TTN: variants seen among roughly 807,000 people sequenced by gnomAD.
TTN encodes connectin.
In TTN, 1,525 loss-of-function variants were observed where a neutral mutation model predicts 3,223.0. That is an observed-to-expected ratio of 0.47 (90% CI 0.45 to 0.49). TTN has a LOEUF of 0.49. TTN is among the 20% of genes least tolerant of loss of function. TTN has a pLI of 0.00. For synonymous variants in TTN, 14,094 were observed against 15,161.0 expected, an observed-to-expected ratio of 0.93 and a Z score of 5.17; for missense variants, 40,786 against 43,424.0, an observed-to-expected ratio of 0.94 and a Z score of 5.40.
At position 178,635,534 on chromosome 2, in the gene TTN, C is replaced by T. The variant is rs767644971; in HGVS notation, c.41790G>A (p.Leu13930=). Reference sequence around the variant, plus strand: ...GCATAGCATTCTTAATTTTGAGGTACAGATGATTTCCATCTCTCAGTATTT... The same window carrying T: ...GCATAGCATTCTTAATTTTGAGGTATAGATGATTTCCATCTCTCAGTATTT... The part of the protein sequence containing the change: ...KTEILRDGNH[L]YLKIKNAMPE... Residue 13930 remains leucine, a synonymous_variant, in exon 227 of 363, where the codon CTG becomes CTA. Coordinates refer to ENST00000589042, the MANE Select transcript of TTN (RefSeq NM_001267550.2). The T allele has an allele frequency of 1.3e-5, 20 of 1,596,916 alleles. No homozygotes were observed. The highest frequency in any genetic ancestry group is 1.7e-5 in the Non-Finnish European group (20 of 1,170,404).
At position 178,631,073 on chromosome 2, in the gene TTN, A is replaced by C. The variant is rs1460790358; in HGVS notation, c.43975T>G (p.Cys14659Gly). ...KSDIGQYTCD[C>G]GTDKTSGKLD... ...TTTCCTGAGGTCTTATCTGTCCCAC[A>C]GTCACAGGTGTACTGTCCAATATCT... The change falls in exon 237 of 363, where the codon TGT (cysteine) becomes GGT (glycine). Residue 14659 changes from cysteine (C) to glycine (G), a missense_variant. Transcript: ENST00000589042. The C allele has an allele frequency of 3.1e-6, 5 of 1,613,330 alleles. No individual in the cohort carries two copies. The highest frequency in any genetic ancestry group is 4.2e-6 in the Non-Finnish European group (5 of 1,179,592).
chr2:178,774,748 C>T, intron 29 of TTN, 173 bp downstream of exon 29: 1 of 862,632 alleles, frequency 1.2e-6, no homozygotes, highest in Non-Finnish European at 1.7e-6. Context: ...TCCAAATGGT[C>T]AAATTGTTAA....
chr2:178,546,992 G>C lies in TTN; in HGVS notation c.94522+11C>G, dbSNP rs376463592. The C allele has an allele frequency of 1.9e-6, 3 of 1,602,244 alleles. No homozygotes were observed. Among genetic ancestry groups the C allele is most frequent in the Non-Finnish European group, 2.6e-6 (3 of 1,172,652 alleles). On this transcript the variant is annotated intron_variant, in intron 340 of 362. Coordinates refer to ENST00000589042, the MANE Select transcript of TTN (RefSeq NM_001267550.2). ...TAATAAACAAATATGCCCTTAAATT[G>C]TGATACATACCAACTGGATTTTGAG...
At position 178,535,986 on chromosome 2, in the gene TTN, C is replaced by T; in HGVS notation, c.100761G>A (p.Val33587=). ...TGATAATTTATTTATTTTTACCTTC[C>T]ACTTCCAAGGAGGCAGTGCCAGACA... ...GSVSGTASLE[V]EVPAKIHLPK... Residue 33587 remains valine (V), a synonymous_variant, in exon 357 of 363, where the codon GTG becomes GTA. Coordinates refer to ENST00000589042, the MANE Select transcript of TTN (RefSeq NM_001267550.2). 5 of 1,528,094 alleles carry T rather than the reference C, an allele frequency of 3.3e-6. No homozygotes were observed. The highest frequency in any genetic ancestry group is 4.4e-6 in the Non-Finnish European group (5 of 1,141,988). 94.7% of individuals were successfully genotyped at this position (1,528,094 alleles called of 1,614,324 possible). A position where few individuals can be genotyped will look rare whatever the true frequency, so the allele number is the denominator to read the frequency against.
rs764186060 is a variant in TTN at position 178,669,376 on chromosome 2, A to G, written c.35542T>C (p.Tyr11848His). Residue 11848 changes from tyrosine (Y) to histidine (H), a missense_variant, in exon 159 of 363, where the codon TAC becomes CAC. Tyr to His is a moderately conservative substitution (Grantham distance 83). Transcript: ENST00000589042. The stretch of plus-strand genomic sequence containing the variant: ...CCACTAATTTTTCTACACTCACTGT[A>G]CATCTCTGTGTCTTCAGAAATAACA... ...PIVISEDTEM[Y>H]IYEASEEAVL... 2 of 1,524,372 alleles carry G rather than the reference A, an allele frequency of 1.3e-6. No homozygotes were observed. The highest frequency in any genetic ancestry group is 1.7e-6 in the Non-Finnish European group (2 of 1,145,246). The allele number at this position is 1,524,372 out of a possible 1,614,324, so 94.4% of individuals were successfully genotyped here.
chr2:178,728,289 G>A lies in TTN; in HGVS notation c.19535C>T (p.Ala6512Val), dbSNP rs200902581. 9 of 1,613,218 alleles carry A rather than the reference G, an allele frequency of 5.6e-6. No homozygotes were observed. The South Asian group carries it at 8.8e-5, about 16-fold the overall frequency. ...TTCTTTTCCATCCTTAAACCACTGA[G>A]CACTAATGGGAAGTGAACCAGACAC... Reference protein sequence around the residue: ...CKVSGSLPISAQWFKDGKEIS... With the variant: ...CKVSGSLPISVQWFKDGKEIS... Residue 6512 changes from alanine to valine, a missense_variant, in exon 67 of 363, where the codon GCT becomes GTT. By Grantham distance (64) the Ala-to-Val change is moderately conservative (BLOSUM62 0). Coordinates refer to ENST00000589042, the MANE Select transcript of TTN (RefSeq NM_001267550.2).
Position 178,739,301 on chromosome 2 carries a change from C to G in TTN, c.13932G>C (p.Val4644=). ...EVNWYFENKL[V]PSDEKFKCLQ... is the part of the protein sequence containing the mutation. ...AACACTTGAACTTTTCATCTGAAGG[C>G]ACCAGTTTATTCTCAAAATACCAAT... Residue 4644 remains valine (V), a synonymous_variant, in exon 48 of 363, where the codon GTG becomes GTC. Coordinates refer to ENST00000589042, the MANE Select transcript of TTN (RefSeq NM_001267550.2). The G allele has an allele frequency of 6.2e-7, 1 of 1,613,254 alleles. No individual in the cohort carries two copies. The highest frequency in any genetic ancestry group is 8.5e-7 in the Non-Finnish European group (1 of 1,179,472).
chr2:178,574,230 T>A lies in TTN; in HGVS notation c.71902A>T (p.Asn23968Tyr). ...AAGTTGGCCTTCAGCCACCGTCCATTAGGAAGGTCTCTCTTTTCAACGATA... is the reference window on the plus strand; with the variant it reads ...AAGTTGGCCTTCAGCCACCGTCCATAAGGAAGGTCTCTCTTTTCAACGATA... ...SYIVEKRDLP[N>Y]GRWLKANFSN... is the part of the protein sequence containing the mutation. The change falls in exon 326 of 363, where the codon AAT (asparagine) becomes TAT (tyrosine). Residue 23968 changes from asparagine to tyrosine, a missense_variant. Transcript: ENST00000589042. The A allele has an allele frequency of 6.2e-7, 1 of 1,613,334 alleles. No individual in the cohort carries two copies. The highest frequency in any genetic ancestry group is 8.5e-7 in the Non-Finnish European group (1 of 1,179,510).
chr2:178,642,297 CT>C lies in TTN; in HGVS notation c.40497del (p.Val13500PhefsTer18). On this transcript the variant is annotated frameshift_variant, in exon 219 of 363. Transcript: ENST00000589042. LOFTEE classifies it high-confidence loss of function. ...TTACGTTCCGGAAGTAATTTGCGAA[CT>C]TTCTTTTCACCTCCAGGCACTTAAA... ...TPLKVPGGEK[K>X]VRKLLPERKP... 1 of 1,593,524 alleles carries C rather than the reference CT, an allele frequency of 6.3e-7. No individual in the cohort carries two copies. The highest frequency in any genetic ancestry group is 8.6e-7 in the Non-Finnish European group (1 of 1,169,154).
rs1332067859 is a variant in TTN at position 178,640,649 on chromosome 2, T to G, written c.40634-19A>C. ...TCTGGTACTTTAAGATAAGATTATT[T>G]TTTCAGTGTTAATATTTGAATATTT... On this transcript the variant is annotated intron_variant, in intron 220 of 362. Transcript: ENST00000589042. 1.3e-6 allele frequency: 2 copies of G among 1,548,890 alleles called. No individual in the cohort carries two copies. The highest frequency in any genetic ancestry group is 4.8e-5 in the East Asian group (2 of 41,444).
rs764929320 is a variant in TTN, at chr2:178,570,759, C to A, written c.75373G>T (p.Ala25125Ser). 6.2e-7 allele frequency: 1 copy of A among 1,613,548 alleles called. No homozygotes were observed. Among genetic ancestry groups the A allele is most frequent in the East Asian group, 2.2e-5 (1 of 44,830 alleles). The change falls in exon 326 of 363, where the codon GCT becomes TCT. Residue 25125 changes from alanine to serine, a missense_variant. Physicochemically the swap from Ala to Ser is moderately conservative, Grantham distance 99 (BLOSUM62 1). Transcript: ENST00000589042. ...PKYKDTIVVH[A>S]GESFKVDADI... is the part of the protein sequence containing the mutation. Reference sequence around the variant, plus strand: ...GCATCAACCTTGAATGATTCACCAGCATGAACCACGATTGTGTCTTTGTAT... The same window carrying A: ...GCATCAACCTTGAATGATTCACCAGAATGAACCACGATTGTGTCTTTGTAT...
Position 178,706,879 on chromosome 2 carries a change from C to T in TTN, c.29117G>A (p.Ser9706Asn). 6.2e-7 allele frequency: 1 copy of T among 1,612,378 alleles called. No homozygotes were observed. The highest frequency in any genetic ancestry group is 1.7e-4 in the Middle Eastern group (1 of 6,058). Residue 9706 changes from serine (S) to asparagine (N), a missense_variant, in exon 101 of 363, where the codon AGT (serine) becomes AAT (asparagine). Ser to Asn is a conservative substitution (Grantham distance 46). Transcript: ENST00000589042. Reference protein sequence around the residue: ...GRLFFVSEPQSIRVVEKTTAT... With the variant: ...GRLFFVSEPQNIRVVEKTTAT... ...GCACTTACTTTCTACGACTCTGATA[C>T]TCTGAGGTTCTGACACAAAAAAGAG...
chr2:178,675,192 C>T, intron 149 of TTN, 79 bp from the exon 150 acceptor site: 1 of 886,318 alleles, frequency 1.1e-6, no homozygotes, highest in South Asian at 1.8e-5. Flanking sequence ...CAGTTTCCAA[C>T]ATAAGAGAGT....
In TTN at chr2:178,777,479, G is replaced by A; in HGVS notation, c.4586C>T (p.Thr1529Ile). The change falls in exon 26 of 363, where the codon ACT becomes ATT. Residue 1529 changes from threonine to isoleucine, a missense_variant. Coordinates refer to ENST00000589042, the MANE Select transcript of TTN (RefSeq NM_001267550.2). The stretch of plus-strand genomic sequence containing the variant: ...GCCTGCCCTGTTTTGGGCAACCACA[G>A]TCCATTCCCCAGAATCACTGGGTGT... Reference protein sequence around the residue: ...PATPSDSGEWTVVAQNRAGRS... With the variant: ...PATPSDSGEWIVVAQNRAGRS... The A allele has an allele frequency of 6.2e-7, 1 of 1,613,938 alleles. No homozygotes were observed. Among genetic ancestry groups the A allele is most frequent in the Non-Finnish European group, 8.5e-7 (1 of 1,179,956 alleles).
At position 178,593,756 on chromosome 2, in the gene TTN, T is replaced by C. The variant is rs1353143854; in HGVS notation, c.58544A>G (p.Tyr19515Cys). 6.2e-6 allele frequency: 10 copies of C among 1,613,278 alleles called. No individual in the cohort carries two copies. Among genetic ancestry groups the C allele is most frequent in the Non-Finnish European group, 8.5e-6 (10 of 1,179,608 alleles). ...ACCCACTTCCTTCTTCTCAATAATA[T>C]AATTGGTGATTTTACTGCCTCCATC... ...LDDGGSKITN[Y>C]IIEKKEVGKD... Residue 19515 changes from tyrosine (Y) to cysteine (C), a missense_variant, in exon 298 of 363, where the codon TAT becomes TGT. By Grantham distance (194) the Tyr-to-Cys change is radical. Coordinates refer to ENST00000589042, the MANE Select transcript of TTN (RefSeq NM_001267550.2).
At chr2:178,744,689 C>T in intron 47 of TTN, 2 of 974,974 alleles carry the variant, frequency 2.1e-6, no homozygotes, top group Non-Finnish European at 2.4e-6. Context: ...AAATATCCCA[C>T]CTTTTTTTAA....
chr2:178,547,802 A>G lies in TTN; in HGVS notation c.93824T>C (p.Val31275Ala). The G allele has an allele frequency of 6.2e-7, 1 of 1,613,872 alleles. No homozygotes were observed. ...TTTKDRTTLT[V>A]KDSMRGDSGR... ...AGAGTCACCTCTCATGCTGTCCTTT[A>G]CAGTCAGTGTGGTTCTGTCTTTTGT... Residue 31275 changes from valine to alanine, a missense_variant, in exon 339 of 363, where the codon GTA becomes GCA. By Grantham distance (64) the Val-to-Ala change is moderately conservative (BLOSUM62 0). Transcript: ENST00000589042.
rs2154152899 is a variant in TTN at position 178,554,433 on chromosome 2, C to T, written c.88894+20G>A. 6.2e-7 allele frequency: 1 copy of T among 1,605,114 alleles called. No individual in the cohort carries two copies. Among genetic ancestry groups the T allele is most frequent in the Non-Finnish European group, 8.5e-7 (1 of 1,176,322 alleles). ...TTTAAATTTTTCACGTTTCAGTTTTCTAATGAAATCATGTCTCACCAAATG... is the reference window on the plus strand; with the variant it reads ...TTTAAATTTTTCACGTTTCAGTTTTTTAATGAAATCATGTCTCACCAAATG... On this transcript the variant is annotated intron_variant, in intron 332 of 362. Coordinates refer to ENST00000589042, the MANE Select transcript of TTN (RefSeq NM_001267550.2).
chr2:178,583,982 C>A, intron 311 of TTN, 76 bp from the exon 312 acceptor site: 1 of 1,382,490 alleles, frequency 7.2e-7, no homozygotes. Context: ...CATTATCATC[C>A]CTGCTGCTAA....
Sources: allele counts gnomAD v4.1 joint callset, GRCh38; gene constraint gnomAD v4.1.1; transcripts MANE v1.5; gene names NCBI Gene and HGNC (gene_info 2026-07-23, HGNC 2026-07-21).